Variants in JCAD observed in about 807,000 individuals in gnomAD.
The protein encoded by JCAD is junctional cadherin 5-associated protein.
JCAD carries 40 observed loss-of-function variants against 98.0 expected under a neutral mutation model. The ratio of observed to expected loss-of-function variants is 0.41; its 90% CI spans 0.32 to 0.53. The LOEUF (loss-of-function observed/expected upper bound fraction) is 0.53. JCAD is among the 20% of genes least tolerant of loss of function. The pLI is 0.31. For synonymous variants in JCAD, 691 were observed against 682.3 expected (o/e 1.01, Z -0.20); for missense variants, 1,705 against 1,738.1 (o/e 0.98, Z 0.34).
At chr10:30,035,212 G>A (rs1031811814) in intron 2 of JCAD, among the ~76,000 whole-genome samples, 3 of 152,196 alleles carry the variant, frequency 2.0e-5, no homozygotes, top group Non-Finnish European at 4.4e-5. Flanking sequence ...CAGAGGGAGC[G>A]TGGTTGGTTT....
rs999988791 is a variant in JCAD, at chr10:30,040,049, C to T, written c.281+7483G>A. On this transcript the variant is annotated intron_variant, in intron 2 of 3. Transcript: ENST00000375377. ...TATCTTGAAGCTCTGTTTGCTTGAT[C>T]GCCTGGGGAAGGGGGTGCGGGTGGC... Among the ~76,000 whole-genome samples the T allele has an allele frequency of 3.3e-5, 5 of 152,182 alleles. No homozygotes were observed. In the East Asian group the frequency reaches 5.8e-4, roughly 18 times the overall value.
intron 1 of JCAD, among the ~76,000 whole-genome samples, chr10:30,112,974 G>T (rs1351909150): frequency 1.3e-5 from 2 of 152,048 alleles, no homozygotes; most frequent in Non-Finnish European, 2.9e-5. Flanking sequence ...TGGGCAGAGG[G>T]TTTCCTTTCT....
In JCAD at chr10:30,027,835, C is replaced by A. The variant is rs769072526; in HGVS notation, c.2313G>T (p.Val771=). The A allele has an allele frequency of 6.2e-7, 1 of 1,614,270 alleles. No individual in the cohort carries two copies. The highest frequency in any genetic ancestry group is 8.5e-7 in the Non-Finnish European group (1 of 1,180,052). The change falls in exon 3 of 4, where the codon GTG becomes GTT. Residue 771 remains valine, a synonymous_variant. Transcript: ENST00000375377. ...NSAFSRTSLS[V]DQAPTPKAGR... is the part of the protein sequence containing the mutation. ...CTGCTTTTGGCGTCGGTGCCTGGTC[C>A]ACGGACAAGGAAGTCCTTGAGAACG...
chr10:30,114,826 A>AATAGATAGATAGATAGATAGATAGATAG (rs3074824), intron 1 of JCAD, among the ~76,000 whole-genome samples: 1 of 150,678 alleles, frequency 6.6e-6, no homozygotes, highest in African/African-American at 2.4e-5. Context: ...TTTAAAGCCG[A>AATAGATAGATAGATAGATAGATAGATAG]ATAGATAGAT....
rs147289666 is a variant in JCAD, at chr10:30,051,517, C to T, written c.-59-3646G>A. ...TGTATGAAACTGAAATGTATACAAA[C>T]GACATCTATAATAAGTGGGAGATGA... On this transcript the variant is annotated intron_variant, in intron 1 of 3. Coordinates refer to ENST00000375377, the MANE Select transcript of JCAD (RefSeq NM_020848.4). Among the ~76,000 whole-genome samples, 688 of 151,778 alleles carry T rather than the reference C, an allele frequency of 4.5e-3. 10 individuals are homozygous for T. The South Asian group carries it at 0.051, about 11-fold the overall frequency.
intron 1 of JCAD, among the ~76,000 whole-genome samples, chr10:30,054,421 GC>G (rs1158827194): frequency 1.3e-5 from 2 of 151,676 alleles, no homozygotes; most frequent in Non-Finnish European, 2.9e-5. Context: ...TCAAATATTG[GC>G]AATTTCATAT....
At chr10:30,058,804 T>C (rs1046927419) in intron 1 of JCAD, among the ~76,000 whole-genome samples, 3 of 152,032 alleles carry the variant, frequency 2.0e-5, no homozygotes, top group African/African-American at 7.2e-5. Flanking sequence ...GCGGGGCTCC[T>C]GCCCTTCTCC....
At chr10:30,103,996 G>A (rs1234066001) in intron 1 of JCAD, among the ~76,000 whole-genome samples, 3 of 152,178 alleles carry the variant, frequency 2.0e-5, no homozygotes, top group African/African-American at 7.2e-5. Context: ...AAGTATCATG[G>A]GGATACACCA....
At chr10:30,095,336 C>T (rs1838351823) in intron 1 of JCAD, among the ~76,000 whole-genome samples, 1 of 152,192 alleles carries the variant, frequency 6.6e-6, no homozygotes, top group Admixed American at 6.5e-5. Flanking sequence ...TGATTCTACC[C>T]CTGGGGGAAT....
At chr10:30,106,815 G>A (rs918091553) in intron 1 of JCAD, among the ~76,000 whole-genome samples, 1 of 152,068 alleles carries the variant, frequency 6.6e-6, no homozygotes, top group South Asian at 2.1e-4. Context: ...GTAGTTCTTT[G>A]AGCTTAAATG....
At chr10:30,089,513 CGTGTGTGT>C (rs58665379) in intron 1 of JCAD, among the ~76,000 whole-genome samples, 53 of 143,036 alleles carry the variant, frequency 3.7e-4, no homozygotes, top group East Asian at 1.9e-3. Flanking sequence ...ATGCTTCTTC[CGTGTGTGT>C]GTGTGTGTGT....
chr10:30,094,259 T>G (rs527929780), intron 1 of JCAD, among the ~76,000 whole-genome samples: 1 of 150,232 alleles, frequency 6.7e-6, no homozygotes, highest in African/African-American at 2.4e-5. Flanking sequence ...CTGGCCAAAA[T>G]GGTAAAACCC....
intron 1 of JCAD, among the ~76,000 whole-genome samples, chr10:30,053,421 CGTG>C (rs1209183445): frequency 6.6e-6 from 1 of 151,742 alleles, no homozygotes; most frequent in African/African-American, 2.4e-5. Flanking sequence ...ATTAGCCAGG[CGTG>C]GTGGCGCTCA....
chr10:30,044,262 T>C (rs1278647096), intron 2 of JCAD, among the ~76,000 whole-genome samples: 1 of 152,210 alleles, frequency 6.6e-6, no homozygotes, highest in Non-Finnish European at 1.5e-5. Flanking sequence ...AGTTCTAAGA[T>C]AATAATATTG....
chr10:30,100,672 C>A (rs1320541511), intron 1 of JCAD, among the ~76,000 whole-genome samples: 1 of 152,126 alleles, frequency 6.6e-6, no homozygotes. Flanking sequence ...GTGTGAGCCA[C>A]CCGACCCTGG....
chr10:30,095,189 T>C (rs995939819), intron 1 of JCAD, among the ~76,000 whole-genome samples: 2 of 152,222 alleles, frequency 1.3e-5, no homozygotes, highest in Admixed American at 6.5e-5. Context: ...CTTTCCTGCA[T>C]AGAACTTGCA....
intron 2 of JCAD, among the ~76,000 whole-genome samples, chr10:30,031,750 ATTT>A (rs1177691710): frequency 4.7e-5 from 3 of 63,372 alleles, no homozygotes; most frequent in African/African-American, 2.1e-4. Flanking sequence ...CCCCATCTGT[ATTT>A]TTTTTTTTTT....
Position 30,073,582 on chromosome 10 carries a change from G to T in JCAD, n.129-3761C>A, listed in dbSNP as rs578142318. 1.1e-4 allele frequency among the ~76,000 whole-genome samples: 16 copies of T among 152,236 alleles called. 1 individual carries two copies. The South Asian group carries it at 2.5e-3, about 24-fold the overall frequency. ...TGGGAAAAATATTACAGAGATGGAA[G>T]GTGATTAAGAAATTTTAGAAAGACC... On this transcript the variant is annotated intron_variant and non_coding_transcript_variant, in intron 1 of 2. Transcript: ENST00000465712.
intron 1 of JCAD, among the ~76,000 whole-genome samples, chr10:30,085,482 G>T (rs1005387624): frequency 1.3e-5 from 2 of 152,184 alleles, no homozygotes; most frequent in Admixed American, 6.5e-5. Context: ...GTTTTGCAGT[G>T]GCTTTGAGAA....
Sources: gnomAD v4.1 joint callset for allele counts (sites outside exome capture counted in the v4.1 genomes callset) on GRCh38, gnomAD v4.1.1 for gene constraint, MANE v1.5 for transcripts, NCBI Gene and HGNC (gene_info 2026-07-23, HGNC 2026-07-21) for gene names.